Variants in SLC2A13 observed in about 807,000 individuals in gnomAD.
SLC2A13 encodes solute carrier family 2 member 13.
In SLC2A13, 32 loss-of-function variants were observed where a neutral mutation model predicts 64.4. The observed-to-expected ratio is 0.50, with a 90% confidence interval of 0.37 to 0.67. The LOEUF is 0.67. Among genes scored for constraint, SLC2A13 ranks in the 30% least tolerant of loss-of-function variants. SLC2A13 has a pLI of 0.00. For missense variants in SLC2A13, 743 were observed against 829.2 expected, an observed-to-expected ratio of 0.90 and a Z score of 1.28; for synonymous variants, 338 against 327.1, an observed-to-expected ratio of 1.03 and a Z score of -0.36.
intron 4 of SLC2A13, among the ~76,000 whole-genome samples, chr12:39,892,917 G>GA (rs1230175229): frequency 5.3e-5 from 8 of 151,656 alleles, no homozygotes; most frequent in Non-Finnish European, 1.0e-4. Context: ...TGTTAGCAAA[G>GA]AAAAAAAGCA....
intron 2 of SLC2A13, among the ~76,000 whole-genome samples, chr12:40,046,133 TA>T (rs765982516): frequency 6.6e-6 from 1 of 152,208 alleles, no homozygotes; most frequent in Non-Finnish European, 1.5e-5. Flanking sequence ...GATCCCACAA[TA>T]ATCTTATAAG....
intron 7 of SLC2A13, among the ~76,000 whole-genome samples, chr12:39,795,330 A>G (rs1227909429): frequency 6.6e-6 from 1 of 151,970 alleles, no homozygotes; most frequent in Non-Finnish European, 1.5e-5. Context: ...ACAGTTTTAA[A>G]CTTAATTTAT....
At chr12:39,925,053 T>TTTTG (rs1491231030) in intron 4 of SLC2A13, among the ~76,000 whole-genome samples, 2 of 128,056 alleles carry the variant, frequency 1.6e-5, no homozygotes, top group Non-Finnish European at 1.7e-5. Flanking sequence ...TTTTTTTTTT[T>TTTTG]GAGGAAGAGT....
At chr12:39,772,760 C>T (rs1940629678) in intron 7 of SLC2A13, among the ~76,000 whole-genome samples, 1 of 152,146 alleles carries the variant, frequency 6.6e-6, no homozygotes, top group African/African-American at 2.4e-5. Context: ...TGATCTCCTG[C>T]TGTGGCAATG....
intron 4 of SLC2A13, among the ~76,000 whole-genome samples, chr12:39,918,805 A>G (rs1479066830): frequency 1.3e-5 from 2 of 150,750 alleles, no homozygotes; most frequent in Non-Finnish European, 3.0e-5. Context: ...GAGGCAGGAG[A>G]TCATGCCACT....
chr12:39,891,801 T>C (rs1944616186), intron 4 of SLC2A13, among the ~76,000 whole-genome samples: 1 of 152,184 alleles, frequency 6.6e-6, no homozygotes. Flanking sequence ...AGGCTCAACA[T>C]TTATCTACAG....
intron 1 of SLC2A13, among the ~76,000 whole-genome samples, chr12:40,086,264 AT>A (rs113417436): frequency 2.1e-4 from 32 of 151,310 alleles, no homozygotes; most frequent in Middle Eastern, 6.9e-3. Context: ...ATGGGAGGGT[AT>A]TTTTTTTTAA....
intron 7 of SLC2A13, among the ~76,000 whole-genome samples, chr12:39,812,629 C>T (rs1375865772): frequency 4.0e-5 from 6 of 151,260 alleles, no homozygotes; most frequent in African/African-American, 7.3e-5. Flanking sequence ...CCCACGGCTA[C>T]GCCCGGCTGA....
intron 4 of SLC2A13, 126 bp downstream of exon 4, chr12:39,951,131 G>C: frequency 1.4e-6 from 1 of 712,776 alleles, no homozygotes; most frequent in East Asian, 3.1e-5. Context: ...CTCCCAAAAG[G>C]AGAATTCATA....
chr12:39,822,638 G>A (rs1456309580), intron 7 of SLC2A13, among the ~76,000 whole-genome samples: 2 of 152,064 alleles, frequency 1.3e-5, no homozygotes, highest in Non-Finnish European at 2.9e-5. Flanking sequence ...CCATGCACAT[G>A]GAATTCAAGC....
chr12:39,787,305 A>C (rs1941227204), intron 7 of SLC2A13, among the ~76,000 whole-genome samples: 1 of 152,242 alleles, frequency 6.6e-6, no homozygotes, highest in South Asian at 2.1e-4. Flanking sequence ...GCATGAAATG[A>C]AATTAGTATT....
chr12:39,829,712 C>T, intron 7 of SLC2A13: 1 of 240,460 alleles, frequency 4.2e-6, no homozygotes. Context: ...TGTGCCCAAC[C>T]TAACGTGATA....
chr12:39,967,297 C>T (rs1431817845), intron 3 of SLC2A13, among the ~76,000 whole-genome samples: 2 of 152,098 alleles, frequency 1.3e-5, no homozygotes, highest in African/African-American at 2.4e-5. Context: ...AGACACAATC[C>T]TAGCCTTGCT....
intron 4 of SLC2A13, among the ~76,000 whole-genome samples, chr12:39,902,290 T>G (rs935768858): frequency 1.3e-5 from 2 of 151,616 alleles, no homozygotes; most frequent in African/African-American, 4.9e-5. Flanking sequence ...TGTATACATA[T>G]GTAACTAACC....
At chr12:39,849,053 A>G (rs4310675) in intron 6 of SLC2A13, among the ~76,000 whole-genome samples, 107,477 of 151,912 alleles carry the variant, frequency 0.71, 38,484 homozygotes, top group African/African-American at 0.81. Flanking sequence ...GAGAGGAACA[A>G]AAAAGATAAC....
intron 4 of SLC2A13, among the ~76,000 whole-genome samples, chr12:39,903,892 C>A (rs768131048): frequency 6.6e-6 from 1 of 152,048 alleles, no homozygotes; most frequent in Non-Finnish European, 1.5e-5. Context: ...ATGAAGCAGC[C>A]TATCAAACTG....
At chr12:39,894,646 C>T (rs1325689778) in intron 4 of SLC2A13, among the ~76,000 whole-genome samples, 3 of 152,134 alleles carry the variant, frequency 2.0e-5, no homozygotes, top group Non-Finnish European at 4.4e-5. Context: ...TCTATTTGGG[C>T]TAATGTATAT....
chr12:39,989,439 C>T (rs28370745), intron 3 of SLC2A13, among the ~76,000 whole-genome samples: 382 of 152,288 alleles, frequency 2.5e-3, no homozygotes, highest in African/African-American at 8.9e-3. Context: ...TCACCCCTCC[C>T]CACTAGAAAT....
Position 39,895,811 on chromosome 12 carries a change from CGTACACACATGTATATGCGTGTATAT to C in SLC2A13, c.1035-23876_1035-23851del, listed in dbSNP as rs1565526488. On this transcript the variant is annotated intron_variant, in intron 4 of 9. Transcript: ENST00000280871. ...GTACACACATGTATATGCGTGTATACGTACACACATGTATATGCGTGTATATGCACACACATATGTATATGCGTGTA... is the reference window on the plus strand; with the variant it reads ...GTACACACATGTATATGCGTGTATACGCACACACATATGTATATGCGTGTA... Among the ~76,000 whole-genome samples the C allele has an allele frequency of 3.3e-3, 20 of 6,036 alleles. 7 individuals carry two copies. The highest frequency in any genetic ancestry group is 6.5e-3 in the African/African-American group (20 of 3,060). The allele number at this position is 6,036 out of a possible 152,430, so 4.0% of individuals were successfully genotyped here.
Sources: gnomAD v4.1 joint callset for allele counts (sites outside exome capture counted in the v4.1 genomes callset) on GRCh38, gnomAD v4.1.1 for gene constraint, MANE v1.5 for transcripts, NCBI Gene and HGNC (gene_info 2026-07-23, HGNC 2026-07-21) for gene names.